Variants in ZNF512B observed in about 807,000 individuals in gnomAD.
ZNF512B encodes zinc finger protein 512B.
ZNF512B carries 22 observed loss-of-function variants against 87.8 expected under a neutral mutation model. The ratio of observed to expected loss-of-function variants is 0.25; its 90% CI spans 0.18 to 0.36. The LOEUF is 0.36. Among genes scored for constraint, ZNF512B ranks in the 10% least tolerant of loss-of-function variants. The pLI is 1.00. For missense variants in ZNF512B, 1,060 were observed against 1,231.6 expected, an observed-to-expected ratio of 0.86 and a Z score of 2.09; for synonymous variants, 524 against 490.9, an observed-to-expected ratio of 1.07 and a Z score of -0.89.
intron 5 of ZNF512B, 33 bp from the exon 6 acceptor site, chr20:63,964,749 G>C: frequency 6.2e-7 from 1 of 1,601,318 alleles, no homozygotes; most frequent in Non-Finnish European, 8.5e-7. Flanking sequence ...GGGCCAGGAG[G>C]GCCTAACTGT....
intron 14 of ZNF512B, 84 bp from the exon 15 acceptor site, chr20:63,962,088 T>G: frequency 6.8e-7 from 1 of 1,465,714 alleles, no homozygotes; most frequent in Non-Finnish European, 9.3e-7. Context: ...AGGGGATCTC[T>G]GAGGCTCTTT....
chr20:63,958,112 G>A lies in ZNF512B; in HGVS notation c.*1776C>T, dbSNP rs1251147286. On this transcript the variant is annotated 3_prime_UTR_variant, in exon 17 of 17. Coordinates refer to ENST00000369888, the MANE Select transcript of ZNF512B (RefSeq NM_020713.3). ...GCCTTCTGGCCCAAGGATGAAGCCA[G>A]AGACAGGAAGTGTTCTGCAACCCCA... is the stretch of plus-strand genomic sequence containing the variant. 1 of 152,222 alleles carries A rather than the reference G, an allele frequency of 6.6e-6. No individual in the cohort carries two copies. The highest frequency in any genetic ancestry group is 1.9e-4 in the East Asian group (1 of 5,192). 9.4% of individuals were successfully genotyped at this position (152,222 alleles called of 1,614,324 possible).
At position 63,964,786 on chromosome 20, in the gene ZNF512B, C is replaced by T. The variant is rs529824432; in HGVS notation, c.1035-70G>A. 38 of 1,577,412 alleles carry T rather than the reference C, an allele frequency of 2.4e-5. No homozygotes were observed. The African/African-American group carries it at 4.0e-4, about 17-fold the overall frequency. On this transcript the variant is annotated intron_variant, in intron 5 of 16. Transcript: ENST00000369888. Reference sequence around the variant, plus strand: ...GGCCCCATTACCCCCAGGCCGTGGCCGAGGAGCACCCTGACCTGGAACGAG... The same window carrying T: ...GGCCCCATTACCCCCAGGCCGTGGCTGAGGAGCACCCTGACCTGGAACGAG...
intron 14 of ZNF512B, 70 bp from the exon 15 acceptor site, chr20:63,962,074 C>A: frequency 1.3e-6 from 2 of 1,484,836 alleles, no homozygotes; most frequent in Non-Finnish European, 1.8e-6. Context: ...CCCTGCCCTA[C>A]CCCAGGGGAT....
At position 63,960,284 on chromosome 20, in the gene ZNF512B, A is replaced by G. The variant is rs1032407955; in HGVS notation, c.2428-145T>C. On this transcript the variant is annotated intron_variant, in intron 16 of 16. Coordinates refer to ENST00000369888, the MANE Select transcript of ZNF512B (RefSeq NM_020713.3). Reference sequence around the variant, plus strand: ...CTGGACACAGCCTTTAGGACCAGGCAGGCACCTGCAGCAGGGGGCTGAACA... The same window carrying G: ...CTGGACACAGCCTTTAGGACCAGGCGGGCACCTGCAGCAGGGGGCTGAACA... 62 of 1,214,642 alleles carry G rather than the reference A, an allele frequency of 5.1e-5. No homozygotes were observed. The African/African-American group carries it at 8.3e-4, about 16-fold the overall frequency. The allele number at this position is 1,214,642 out of a possible 1,614,324, so 75.2% of individuals were successfully genotyped here. A position where few individuals can be genotyped will look rare whatever the true frequency, so the allele number is the denominator to read the frequency against.
At position 63,957,561 on chromosome 20, in the gene ZNF512B, A is replaced by G. The variant is rs968814358; in HGVS notation, c.*2327T>C. On this transcript the variant is annotated 3_prime_UTR_variant, in exon 17 of 17. Transcript: ENST00000369888. ...ACTTCTGGCAGTAGCCCCCACGCCT[A>G]CCTTAAAGACAAAGGGGGTTAAAGT... 1.3e-5 allele frequency: 2 copies of G among 152,630 alleles called. No homozygotes were observed. The highest frequency in any genetic ancestry group is 2.9e-5 in the Non-Finnish European group (2 of 68,086). 9.5% of individuals were successfully genotyped at this position (152,630 alleles called of 1,614,324 possible). A position where few individuals can be genotyped will look rare whatever the true frequency, so the allele number is the denominator to read the frequency against.
Position 63,961,262 on chromosome 20 carries a change from C to T in ZNF512B, c.2427+47G>A. 2 of 1,591,470 alleles carry T rather than the reference C, an allele frequency of 1.3e-6. No individual in the cohort carries two copies. Among genetic ancestry groups the T allele is most frequent in the Non-Finnish European group, 1.7e-6 (2 of 1,165,144 alleles). On this transcript the variant is annotated intron_variant, in intron 16 of 16. Transcript: ENST00000369888. This position sits in a 1 kb window ranked among gnomAD's most constrained non-coding sequence, Gnocchi z 6.4. ...GGGTGCCCAACCCCAGCCCTGTCCC[C>T]TCCTGGGCTAGCCCCCAGCCACAGG...
In ZNF512B at chr20:63,962,780, G is replaced by T; in HGVS notation, c.1970C>A (p.Pro657His). ...YHVRSEHTAP[P>H]PEEPTDKSPE... ...GGACTTGTCTGTGGGCTCCTCAGGGGGCTGGAGGGCAGGAAGGCATGGAGG... is the reference window on the plus strand; with the variant it reads ...GGACTTGTCTGTGGGCTCCTCAGGGTGCTGGAGGGCAGGAAGGCATGGAGG... Residue 657 changes from proline to histidine, a missense_variant and splice_region_variant, in exon 13 of 17, where the codon CCC becomes CAC. By Grantham distance (77) the Pro-to-His change is moderately conservative. Around this residue, in one of 9 missense-constraint regions of ZNF512B, gnomAD observed 165 missense variants for 173.0 expected, o/e 0.95. Coordinates refer to ENST00000369888, the MANE Select transcript of ZNF512B (RefSeq NM_020713.3). The T allele has an allele frequency of 6.3e-7, 1 of 1,593,172 alleles. No homozygotes were observed. The highest frequency in any genetic ancestry group is 1.3e-5 in the African/African-American group (1 of 74,640).
rs1164317558 is a variant in ZNF512B at position 63,969,910 on chromosome 20, C to T, written c.-99G>A. 1 of 147,518 alleles carries T rather than the reference C, an allele frequency of 6.8e-6. No homozygotes were observed. The highest frequency in any genetic ancestry group is 2.4e-5 in the African/African-American group (1 of 40,866). 9.1% of individuals were successfully genotyped at this position (147,518 alleles called of 1,614,324 possible). A position where few individuals can be genotyped will look rare whatever the true frequency, so the allele number is the denominator to read the frequency against. On this transcript the variant is annotated 5_prime_UTR_variant, in exon 1 of 17. Coordinates refer to ENST00000369888, the MANE Select transcript of ZNF512B (RefSeq NM_020713.3). ...GGTCCGGGCGGCGCAGGCTGCGCGC[C>T]GCGCTGCGCACATGCGCGCTCCCGC...
At chr20:63,967,334 T>C (rs1194444356) in intron 3 of ZNF512B, 47 bp downstream of exon 3, 2 of 1,544,442 alleles carry the variant, frequency 1.3e-6, no homozygotes, top group East Asian at 2.3e-5. Context: ...AGTGGCTGGA[T>C]AGGGAGACCC....
chr20:63,963,151 T>G lies in ZNF512B; in HGVS notation c.1912A>C (p.Thr638Pro). 1 of 1,552,230 alleles carries G rather than the reference T, an allele frequency of 6.4e-7. No homozygotes were observed. Among genetic ancestry groups the G allele is most frequent in the Non-Finnish European group, 8.7e-7 (1 of 1,155,112 alleles). ...PSFPCTHCGK[T>P]YRSKAGHDYH... ...TCGTGGCCAGCCTTGGATCGGTACG[T>G]CTTGCCACAGTGGGTGCAGGGGAAG... The change falls in exon 12 of 17, where the codon ACG becomes CCG. Residue 638 changes from threonine to proline, a missense_variant. Thr to Pro is a conservative substitution (Grantham distance 38, BLOSUM62 -1). This residue lies in a region of ZNF512B where 165 missense variants were observed against 173.0 expected (regional missense o/e 0.95). Coordinates refer to ENST00000369888, the MANE Select transcript of ZNF512B (RefSeq NM_020713.3).
Position 63,959,602 on chromosome 20 carries a change from G to C in ZNF512B, c.*286C>G, listed in dbSNP as rs1430636903. The C allele has an allele frequency of 2.2e-6, 1 of 447,264 alleles. No individual in the cohort carries two copies. The highest frequency in any genetic ancestry group is 2.0e-5 in the African/African-American group (1 of 49,174). 27.7% of individuals were successfully genotyped at this position (447,264 alleles called of 1,614,324 possible). A position where few individuals can be genotyped will look rare whatever the true frequency, so the allele number is the denominator to read the frequency against. ...GCCTACTCTGCGCTGCAGCCCCTGT[G>C]GCACCAAGACCCCAGACACATTCCC... On this transcript the variant is annotated 3_prime_UTR_variant, in exon 17 of 17. Transcript: ENST00000369888.
Position 63,959,792 on chromosome 20 carries a change from G to C in ZNF512B, c.*96C>G. 6.9e-7 allele frequency: 1 copy of C among 1,447,786 alleles called. No individual in the cohort carries two copies. Among genetic ancestry groups the C allele is most frequent in the Non-Finnish European group, 9.1e-7 (1 of 1,099,670 alleles). 89.7% of individuals were successfully genotyped at this position (1,447,786 alleles called of 1,614,324 possible). Reference sequence around the variant, plus strand: ...GACGGATGAAGAGGCGGGGGTGGGGGATGGAGAACTGGAGGACAGAGGTCC... The same window carrying C: ...GACGGATGAAGAGGCGGGGGTGGGGCATGGAGAACTGGAGGACAGAGGTCC... On this transcript the variant is annotated 3_prime_UTR_variant, in exon 17 of 17. Transcript: ENST00000369888.
Position 63,960,080 on chromosome 20 carries a change from C to A in ZNF512B, c.2487G>T (p.Val829=). The part of the protein sequence containing the change: ...PPKHRSQDSL[V]PKKEKKKNLA... ...GATTTTTCTTCTTTTCCTTCTTGGG[C>A]ACCAATGAGTCCTGGCTCCTGTGTT... Residue 829 remains valine (V), a synonymous_variant, in exon 17 of 17, where the codon GTG becomes GTT. Coordinates refer to ENST00000369888, the MANE Select transcript of ZNF512B (RefSeq NM_020713.3). The A allele has an allele frequency of 3.7e-6, 6 of 1,613,998 alleles. No individual in the cohort carries two copies. The highest frequency in any genetic ancestry group is 1.3e-5 in the African/African-American group (1 of 75,074).
intron 3 of ZNF512B, 123 bp downstream of exon 3, chr20:63,967,258 G>T: frequency 7.0e-7 from 1 of 1,426,770 alleles, no homozygotes; most frequent in Non-Finnish European, 9.4e-7. Flanking sequence ...AGTCTGCCAG[G>T]CCAGTGCCCA....
intron 16 of ZNF512B, among the ~76,000 whole-genome samples, chr20:63,960,985 A>G (rs2058844770): frequency 6.7e-6 from 1 of 149,216 alleles, no homozygotes. Flanking sequence ...GGGGCTGGAC[A>G]CAGCCTTCGG....
At chr20:63,963,755 C>T in intron 9 of ZNF512B, 34 bp downstream of exon 9, 1 of 1,613,094 alleles carries the variant, frequency 6.2e-7, no homozygotes, top group Non-Finnish European at 8.5e-7. Flanking sequence ...GGCCAGGGCG[C>T]CTCCCTCCCA....
chr20:63,961,869 G>T lies in ZNF512B; in HGVS notation c.2328+73C>A. 1 of 1,482,218 alleles carries T rather than the reference G, an allele frequency of 6.7e-7. No individual in the cohort carries two copies. The highest frequency in any genetic ancestry group is 1.4e-5 in the African/African-American group (1 of 71,710). 91.8% of individuals were successfully genotyped at this position (1,482,218 alleles called of 1,614,324 possible). A position where few individuals can be genotyped will look rare whatever the true frequency, so the allele number is the denominator to read the frequency against. On this transcript the variant is annotated intron_variant, in intron 15 of 16. Transcript: ENST00000369888. This position sits in a 1 kb window ranked among gnomAD's most constrained non-coding sequence, Gnocchi z 6.4. ...AGGCAGGGTCCCTCACTACTGTGTG[G>T]GAAGCCCGCGTGGGGTGAGCTGGGA...
rs1051268423 is a variant in ZNF512B, at chr20:63,959,587, C to T, written c.*301G>A. ...GGCCAAAGGCCATCTGCCTACTCTG[C>T]GCTGCAGCCCCTGTGGCACCAAGAC... On this transcript the variant is annotated 3_prime_UTR_variant, in exon 17 of 17. Transcript: ENST00000369888. The T allele has an allele frequency of 1.1e-4, 47 of 420,228 alleles. No homozygotes were observed. The highest frequency in any genetic ancestry group is 2.5e-4 in the Admixed American group (6 of 24,372). The allele number at this position is 420,228 out of a possible 1,614,324, so 26.0% of individuals were successfully genotyped here. A position where few individuals can be genotyped will look rare whatever the true frequency, so the allele number is the denominator to read the frequency against.
Sources: allele counts gnomAD v4.1 joint callset (sites outside exome capture counted in the v4.1 genomes callset), GRCh38; gene constraint gnomAD v4.1.1; regional missense constraint gnomAD v4.1.1; non-coding constraint Gnocchi (gnomAD v3.1); transcripts MANE v1.5; gene names NCBI Gene and HGNC (gene_info 2026-07-23, HGNC 2026-07-21).